The following ANO4 variants were observed in gnomAD, a reference collection of about 807,000 sequenced individuals.
The protein encoded by ANO4 is anoctamin-4.
Under a neutral mutation model 141.9 loss-of-function variants are expected in ANO4, and 69 were observed. The ratio of observed to expected loss-of-function variants is 0.49; its 90% CI spans 0.40 to 0.59. The LOEUF (loss-of-function observed/expected upper bound fraction) is 0.59, where lower values mean the gene tolerates loss of function less well. ANO4 is among the 20% of genes least tolerant of loss of function. The pLI is 0.00. For missense variants in ANO4, 894 were observed against 1,162.2 expected, an observed-to-expected ratio of 0.77 and a Z score of 3.36; for synonymous variants, 350 against 394.3, an observed-to-expected ratio of 0.89 and a Z score of 1.33.
intron 6 of ANO4, among the ~76,000 whole-genome samples, chr12:100,973,884 A>G (rs2044038675): frequency 6.6e-6 from 1 of 152,190 alleles, no homozygotes; most frequent in Non-Finnish European, 1.5e-5. Context: ...TACCTCTGGC[A>G]ACCACTGATC....
intron 2 of ANO4, among the ~76,000 whole-genome samples, chr12:100,912,807 T>C (rs2041172974): frequency 6.6e-6 from 1 of 152,190 alleles, no homozygotes; most frequent in South Asian, 2.1e-4. Context: ...TAAAATTGTA[T>C]GGAAAAAGCG....
rs781027415 is a variant in ANO4 at position 100,741,791 on chromosome 12, G to T, written c.358+1686G>T. ...TTTGCTTTTATTGTGAAGGAAAGCT[G>T]ACTCTTCTTGCTTTAGTTTAATAAA... On this transcript the variant is annotated intron_variant, in intron 3 of 29. Transcript: ENST00000644049. Among the ~76,000 whole-genome samples the T allele has an allele frequency of 3.9e-4, 59 of 152,132 alleles. 1 individual carries two copies. Among genetic ancestry groups the T allele is most frequent in the Non-Finnish European group, 1.3e-4 (9 of 68,010 alleles).
chr12:100,949,588 T>C (rs1432041134), intron 5 of ANO4, among the ~76,000 whole-genome samples: 1 of 152,226 alleles, frequency 6.6e-6, no homozygotes, highest in East Asian at 1.9e-4. Context: ...CACTTTTATT[T>C]TGGAATAGTT....
chr12:100,902,972 G>T (rs2040666349), intron 2 of ANO4, among the ~76,000 whole-genome samples: 1 of 152,102 alleles, frequency 6.6e-6, no homozygotes, highest in South Asian at 2.1e-4. Context: ...TTCAGTCTAT[G>T]AAAAGGCTCA....
At chr12:100,717,546 C>T (rs887980370) in exon 1 of ANO4, 14 of 399,580 alleles carry the variant, frequency 3.5e-5, no homozygotes, top group Non-Finnish European at 6.2e-5. Flanking sequence ...TCACCGCATA[C>T]GGTAACTGGG....
chr12:100,723,675 C>G (rs2030968996), intron 1 of ANO4, among the ~76,000 whole-genome samples: 1 of 152,166 alleles, frequency 6.6e-6, no homozygotes, highest in Non-Finnish European at 1.5e-5. Flanking sequence ...CAAGTTTACA[C>G]AAGTAAACTA....
At chr12:101,086,982 G>T (rs1312982468) in intron 17 of ANO4, among the ~76,000 whole-genome samples, 158 bp downstream of exon 17, 5 of 152,086 alleles carry the variant, frequency 3.3e-5, no homozygotes, top group Admixed American at 2.0e-4. Context: ...GATGCACTTG[G>T]GTCTGAGTGC....
At chr12:100,813,924 G>C (rs940921174) in intron 1 of ANO4, among the ~76,000 whole-genome samples, 3 of 151,962 alleles carry the variant, frequency 2.0e-5, no homozygotes, top group Admixed American at 6.6e-5. Context: ...TTGAATCTTT[G>C]GGCCATGCGT....
Position 101,033,138 on chromosome 12 carries a change from TA to T in ANO4, c.842-3951del, listed in dbSNP as rs1168799463. On this transcript the variant is annotated intron_variant, in intron 9 of 27. Coordinates refer to ENST00000392977, the MANE Select transcript of ANO4 (RefSeq NM_001286615.2). ...TACACCATGGAATACTATGCAGCCA[TA>T]AAAAATGATGAGTTCATGTCCTTTG... 2.6e-5 allele frequency among the ~76,000 whole-genome samples: 4 copies of T among 152,226 alleles called. No individual in the cohort carries two copies. The East Asian group carries it at 7.7e-4, about 29-fold the overall frequency.
chr12:100,729,083 A>G (rs1350558994), intron 1 of ANO4, among the ~76,000 whole-genome samples: 1 of 152,142 alleles, frequency 6.6e-6, no homozygotes, highest in Non-Finnish European at 1.5e-5. Context: ...AGTAATAAAC[A>G]ATATAATTCA....
Position 100,987,656 on chromosome 12 carries a change from G to A in ANO4, c.720G>A (p.Gln240=). ...ACTGCTACACTGCCCCTTTCAGCCA[G>A]CAAAGGATCCATCAGTGAGTGTTCC... ...ENDCYTAPFS[Q]QRIHHFIIHN... is the part of the protein sequence containing the mutation. Residue 240 remains glutamine (Q), a synonymous_variant, in exon 8 of 28, where the codon CAG becomes CAA. Coordinates refer to ENST00000392977, the MANE Select transcript of ANO4 (RefSeq NM_001286615.2). The A allele has an allele frequency of 6.2e-7, 1 of 1,613,938 alleles. No homozygotes were observed. The highest frequency in any genetic ancestry group is 8.5e-7 in the Non-Finnish European group (1 of 1,179,916).
intron 3 of ANO4, among the ~76,000 whole-genome samples, chr12:100,927,271 C>T (rs902339256): frequency 3.3e-5 from 5 of 151,924 alleles, no homozygotes; most frequent in African/African-American, 1.2e-4. Flanking sequence ...TCCACGAAGC[C>T]GGTGGAATGG....
chr12:100,945,495 C>T (rs1271902100), intron 5 of ANO4, among the ~76,000 whole-genome samples: 3 of 152,206 alleles, frequency 2.0e-5, no homozygotes, highest in African/African-American at 7.2e-5. Context: ...TAGTATCTAT[C>T]CACTTAAAGT....
intron 5 of ANO4, among the ~76,000 whole-genome samples, chr12:100,961,309 G>A (rs76095674): frequency 2.7e-4 from 41 of 152,342 alleles, no homozygotes; most frequent in Non-Finnish European, 5.1e-4. Flanking sequence ...ATATCAGGGT[G>A]TATTAATTAG....
At position 101,086,919 on chromosome 12, in the gene ANO4, G is replaced by C. The variant is rs914661136; in HGVS notation, c.1701+95G>C. ...TGCTAAGGGGATCTGGCCTCAGAGA[G>C]GTGGGCCATTCACATAGCACTGATG... On this transcript the variant is annotated intron_variant, in intron 17 of 27. Transcript: ENST00000392977. 108 of 1,428,624 alleles carry C rather than the reference G, an allele frequency of 7.6e-5. No homozygotes were observed. In the Middle Eastern group the frequency reaches 9.7e-4, roughly 13 times the overall value. The allele number at this position is 1,428,624 out of a possible 1,614,324, so 88.5% of individuals were successfully genotyped here.
intron 3 of ANO4, among the ~76,000 whole-genome samples, chr12:100,787,499 A>C (rs917828046): frequency 1.3e-5 from 2 of 152,142 alleles, no homozygotes; most frequent in African/African-American, 4.8e-5. Context: ...ACACAGTAAG[A>C]CGCAGAGGAG....
Position 100,842,799 on chromosome 12 carries a change from G to A in ANO4, c.-141+47772G>A, listed in dbSNP as rs183103127. 3.3e-3 allele frequency among the ~76,000 whole-genome samples: 502 copies of A among 152,138 alleles called. 3 individuals are homozygous for A. Among genetic ancestry groups the A allele is most frequent in the African/African-American group, 0.012 (484 of 41,516 alleles). ...TCCCTTTAGCCCTTTTATAAGGCAC[G>A]AATTCCATCCAAAAGAGTAGAGCCC... On this transcript the variant is annotated intron_variant, in intron 1 of 27. Transcript: ENST00000392977.
At chr12:101,059,988 A>T (rs2048282809) in intron 14 of ANO4, among the ~76,000 whole-genome samples, 1 of 152,186 alleles carries the variant, frequency 6.6e-6, no homozygotes, top group African/African-American at 2.4e-5. Context: ...TCAATTATAG[A>T]TCTTTCCCGC....
rs183173041 is a variant in ANO4, at chr12:100,777,794, A to G, written c.358+37689A>G. Among the ~76,000 whole-genome samples, 185 of 152,198 alleles carry G rather than the reference A, an allele frequency of 1.2e-3. 1 individual carries two copies. Among genetic ancestry groups the G allele is most frequent in the African/African-American group, 4.4e-3 (182 of 41,528 alleles). On this transcript the variant is annotated intron_variant, in intron 3 of 29. Transcript: ENST00000644049. ...TCATATTAATATTTTCTATTCAACA[A>G]TTGTGATTTGCTGTCTTAATATTCA...
Sources: allele counts gnomAD v4.1 joint callset (sites outside exome capture counted in the v4.1 genomes callset), GRCh38; gene constraint gnomAD v4.1.1; transcripts MANE v1.5; gene names NCBI Gene and HGNC (gene_info 2026-07-23, HGNC 2026-07-21).